WDFY3: variants seen among roughly 807,000 people sequenced by gnomAD.
The protein encoded by WDFY3 is WD repeat and FYVE domain containing 3, also known as WD repeat and FYVE domain-containing protein 3.
A neutral mutation model predicts 409.6 loss-of-function variants in WDFY3; 66 were observed. The observed-to-expected ratio is 0.16, with a 90% CI of 0.13 to 0.20. The LOEUF (loss-of-function observed/expected upper bound fraction) is 0.20. Ranked by LOEUF, WDFY3 falls within the 10% of genes least tolerant of loss-of-function variation. The probability of loss-of-function intolerance (pLI) is 1.00; values close to 1 mark genes in which losing one functional copy is unlikely to be tolerated. For missense variants in WDFY3, 3,031 were observed against 4,298.1 expected (o/e 0.71, Z 8.24); for synonymous variants, 1,521 against 1,537.1 (o/e 0.99, Z 0.25).
At chr4:84,713,138 T>A in intron 51 of WDFY3, 21 bp downstream of exon 51, 2 of 1,610,856 alleles carry the variant, frequency 1.2e-6, no homozygotes, top group Non-Finnish European at 1.7e-6. Context: ...AACTGTAACA[T>A]GCAAGGAACA....
intron 3 of WDFY3, among the ~76,000 whole-genome samples, chr4:84,884,760 G>C (rs1262065995): frequency 2.0e-5 from 3 of 152,108 alleles, no homozygotes; most frequent in Non-Finnish European, 4.4e-5. Flanking sequence ...CCAAGGTAGA[G>C]GTGAGAAATC....
At chr4:84,914,087 C>T (rs1327290523) in intron 2 of WDFY3, among the ~76,000 whole-genome samples, 2 of 152,094 alleles carry the variant, frequency 1.3e-5, no homozygotes, top group South Asian at 2.1e-4. Flanking sequence ...ATACAAAATA[C>T]GTGTTAATCA....
chr4:84,684,565 A>C (rs1727981234), intron 62 of WDFY3, among the ~76,000 whole-genome samples: 1 of 152,224 alleles, frequency 6.6e-6, no homozygotes, highest in Non-Finnish European at 1.5e-5. Flanking sequence ...ACAGGGTAGA[A>C]GAGGCATTTT....
Position 84,696,129 on chromosome 4 carries a change from G to C in WDFY3, c.8742C>G (p.Ile2914Met). Residue 2914 changes from isoleucine (I) to methionine (M), a missense_variant, in exon 58 of 68, where the codon ATC (isoleucine) becomes ATG (methionine). Coordinates refer to ENST00000295888, the MANE Select transcript of WDFY3 (RefSeq NM_014991.6). ...CAGGGCCTTGCTGTTTATAACCGAA[G>C]ATTAAGTCAATCCACTCATGTAGAT... is the stretch of plus-strand genomic sequence containing the variant. ...SAHLHEWIDL[I>M]FGYKQQGPAA... 6.2e-7 allele frequency: 1 copy of C among 1,614,056 alleles called. No homozygotes were observed. The highest frequency in any genetic ancestry group is 8.5e-7 in the Non-Finnish European group (1 of 1,180,008).
At chr4:84,947,143 G>A (rs1454374033) in intron 1 of WDFY3, among the ~76,000 whole-genome samples, 4 of 151,880 alleles carry the variant, frequency 2.6e-5, no homozygotes, top group Non-Finnish European at 5.9e-5. Context: ...ATAAATTGAA[G>A]ATGCAAGGCA....
chr4:84,675,724 G>T (rs1337297889), intron 67 of WDFY3, among the ~76,000 whole-genome samples: 1 of 152,132 alleles, frequency 6.6e-6, no homozygotes, highest in Non-Finnish European at 1.5e-5. Context: ...TTCTATGAAA[G>T]CATCTCTGGA....
Position 84,833,661 on chromosome 4 carries a change from AAAAAG to A in WDFY3, c.577-2061_577-2057del, listed in dbSNP as rs1170304084. Among the ~76,000 whole-genome samples, 998 of 149,952 alleles carry A rather than the reference AAAAAG, an allele frequency of 6.7e-3. 4 individuals carry two copies. The highest frequency in any genetic ancestry group is 0.017 in the Middle Eastern group (5 of 294). On this transcript the variant is annotated intron_variant, in intron 7 of 67. Transcript: ENST00000295888. ...AGAGTGAGACCTTGTCTCAAAAGAG[AAAAAG>A]AAAAGAAAAGAAAAGAAAAGAAAAG...
rs762745955 is a variant in WDFY3, at chr4:84,690,641, C to G, written c.9228G>C (p.Leu3076Phe). The G allele has an allele frequency of 1.2e-6, 2 of 1,613,672 alleles. No homozygotes were observed. The highest frequency in any genetic ancestry group is 1.7e-6 in the Non-Finnish European group (2 of 1,179,836). ...SDKAMTVYEC[L>F]SEWGQILCAI... is the part of the protein sequence containing the mutation. Reference sequence around the variant, plus strand: ...CACAGAGAATCTGGCCCCACTCAGACAAGCATTCATAAACAGTCATGGCCT... The same window carrying G: ...CACAGAGAATCTGGCCCCACTCAGAGAAGCATTCATAAACAGTCATGGCCT... The change falls in exon 61 of 68, where the codon TTG becomes TTC. Residue 3076 changes from leucine (L) to phenylalanine (F), a missense_variant. Coordinates refer to ENST00000295888, the MANE Select transcript of WDFY3 (RefSeq NM_014991.6).
intron 40 of WDFY3, 21 bp from the exon 41 acceptor site, chr4:84,737,387 C>A (rs1560628997): frequency 2.6e-6 from 4 of 1,527,394 alleles, no homozygotes; most frequent in Non-Finnish European, 3.5e-6. Flanking sequence ...AACAAACAAA[C>A]AAACAAAAAA....
intron 32 of WDFY3, among the ~76,000 whole-genome samples, chr4:84,759,685 C>G (rs1742161629): frequency 6.7e-6 from 1 of 149,202 alleles, no homozygotes; most frequent in Non-Finnish European, 1.5e-5. Flanking sequence ...AGTTGCTTAT[C>G]AGCTTAAGGA....
intron 36 of WDFY3, among the ~76,000 whole-genome samples, chr4:84,747,262 C>T (rs1414901383): frequency 6.6e-6 from 1 of 152,220 alleles, no homozygotes; most frequent in African/African-American, 2.4e-5. Flanking sequence ...CATGGGTAGA[C>T]AGCACAGTGG....
intron 2 of WDFY3, 37 bp downstream of exon 2, chr4:84,932,233 G>C (rs1579183831): frequency 6.6e-6 from 1 of 152,000 alleles, no homozygotes; most frequent in South Asian, 2.1e-4. Context: ...TCTGTTCCTG[G>C]CTCCTTTTTC....
At chr4:84,914,164 G>A (rs1768151547) in intron 2 of WDFY3, among the ~76,000 whole-genome samples, 1 of 152,138 alleles carries the variant, frequency 6.6e-6, no homozygotes, top group Admixed American at 6.6e-5. Context: ...GTTCACACCT[G>A]TAATCCCAGC....
At position 84,790,004 on chromosome 4, in the gene WDFY3, A is replaced by G; in HGVS notation, c.3488-97T>C. ...CAGCATGTTTTGACTTTATGTTAAA[A>G]CAAAATAATGATGCAGACTGATTTG... On this transcript the variant is annotated intron_variant, in intron 21 of 67. Coordinates refer to ENST00000295888, the MANE Select transcript of WDFY3 (RefSeq NM_014991.6). 3 of 1,276,740 alleles carry G rather than the reference A, an allele frequency of 2.3e-6. No individual in the cohort carries two copies. In the South Asian group the frequency reaches 4.3e-5, roughly 18 times the overall value. 79.1% of individuals were successfully genotyped at this position (1,276,740 alleles called of 1,614,324 possible). A position where few individuals can be genotyped will look rare whatever the true frequency, so the allele number is the denominator to read the frequency against.
rs78899652 is a variant in WDFY3 at position 84,771,097 on chromosome 4, G to A, written c.4849+1738C>T. Among the ~76,000 whole-genome samples, 379 of 152,242 alleles carry A rather than the reference G, an allele frequency of 2.5e-3. 1 individual carries two copies. The highest frequency in any genetic ancestry group is 8.6e-3 in the African/African-American group (356 of 41,556). On this transcript the variant is annotated intron_variant, in intron 30 of 67. Transcript: ENST00000295888. ...CTATGGTTACTGAATTCAATGGACA[G>A]CAAATAAATATGGAAACCAGATAAA...
chr4:84,796,239 C>T (rs80289357), intron 19 of WDFY3, among the ~76,000 whole-genome samples: 1 of 113,500 alleles, frequency 8.8e-6, no homozygotes, highest in Non-Finnish European at 1.9e-5. Context: ...ACTTCATTTA[C>T]AAAAAAAAAA....
intron 45 of WDFY3, among the ~76,000 whole-genome samples, chr4:84,726,464 C>T (rs1735675518): frequency 6.6e-6 from 1 of 152,080 alleles, no homozygotes; most frequent in Non-Finnish European, 1.5e-5. Flanking sequence ...GACACTGTTG[C>T]ATTCTCAAAA....
At chr4:84,738,600 TAA>T (rs745331961) in intron 40 of WDFY3, among the ~76,000 whole-genome samples, 49 of 127,006 alleles carry the variant, frequency 3.9e-4, no homozygotes, top group African/African-American at 4.6e-4. Context: ...AGATTTTGTT[TAA>T]AAAAAAAAAA....
At position 84,751,700 on chromosome 4, in the gene WDFY3, T is replaced by C; in HGVS notation, c.5756A>G (p.Asp1919Gly). The change falls in exon 36 of 68, where the codon GAT (aspartate) becomes GGT (glycine). Residue 1919 changes from aspartate (D) to glycine (G), a missense_variant. By Grantham distance (94) the Asp-to-Gly change is moderately conservative. Transcript: ENST00000295888. Reference protein sequence around the residue: ...PYSEMVTDLDDEVGSPAEEFK... With the variant: ...PYSEMVTDLDGEVGSPAEEFK... Reference sequence around the variant, plus strand: ...CTCTTCTGCTGGAGATCCAACTTCATCATCAAGGTCAGTCACCTAGTAAAA... The same window carrying C: ...CTCTTCTGCTGGAGATCCAACTTCACCATCAAGGTCAGTCACCTAGTAAAA... 6.2e-7 allele frequency: 1 copy of C among 1,614,134 alleles called. No homozygotes were observed. The highest frequency in any genetic ancestry group is 8.5e-7 in the Non-Finnish European group (1 of 1,180,018).
Sources: allele counts gnomAD v4.1 joint callset (sites outside exome capture counted in the v4.1 genomes callset), GRCh38; gene constraint gnomAD v4.1.1; transcripts MANE v1.5; gene names NCBI Gene and HGNC (gene_info 2026-07-23, HGNC 2026-07-21).